KDM2A: variants seen among roughly 807,000 people sequenced by gnomAD.
The protein encoded by KDM2A is lysine demethylase 2A.
In KDM2A, 3 loss-of-function variants were observed where a neutral mutation model predicts 137.3. The ratio of observed to expected loss-of-function variants is 0.02; its 90% CI spans 0.01 to 0.06. KDM2A has a LOEUF of 0.06. Ranked by LOEUF, KDM2A falls within the 10% of genes least tolerant of loss-of-function variation. The pLI, the probability that KDM2A is intolerant of heterozygous loss-of-function variation, is 1.00. For missense variants in KDM2A, 738 were observed against 1,510.6 expected (o/e 0.49, Z 8.48); for synonymous variants, 512 against 541.5 (o/e 0.95, Z 0.76).
intron 5 of KDM2A, among the ~76,000 whole-genome samples, chr11:67,194,586 C>T (rs564171594): frequency 1.3e-5 from 2 of 152,284 alleles, no homozygotes; most frequent in East Asian, 3.9e-4. Flanking sequence ...TGGCATAACA[C>T]TTTGTGCATT....
intron 18 of KDM2A, 33 bp from the exon 19 acceptor site, chr11:67,253,420 G>A (rs1390821752): frequency 1.3e-6 from 2 of 1,596,950 alleles, no homozygotes; most frequent in Admixed American, 1.7e-5. Flanking sequence ...GGGAAACAGT[G>A]TATTATTACA....
chr11:67,170,684 A>G (rs977871246), intron 2 of KDM2A, among the ~76,000 whole-genome samples: 1 of 152,006 alleles, frequency 6.6e-6, no homozygotes, highest in Non-Finnish European at 1.5e-5. Flanking sequence ...AAGTGCTGGG[A>G]TTACAGGTGT....
intron 15 of KDM2A, among the ~76,000 whole-genome samples, chr11:67,247,037 T>TATA (rs1859242398): frequency 3.0e-5 from 1 of 33,074 alleles, no homozygotes; most frequent in African/African-American, 1.1e-4. Flanking sequence ...ATAAATTATT[T>TATA]TATATATATA....
intron 5 of KDM2A, among the ~76,000 whole-genome samples, chr11:67,191,083 C>T (rs1025774171): frequency 7.2e-5 from 11 of 151,988 alleles, no homozygotes; most frequent in Admixed American, 2.0e-4. Flanking sequence ...TCGTTGCTGT[C>T]GCCAGGCTGG....
At chr11:67,177,334 T>C (rs566460100) in intron 2 of KDM2A, among the ~76,000 whole-genome samples, 1 of 152,224 alleles carries the variant, frequency 6.6e-6, no homozygotes, top group Non-Finnish European at 1.5e-5. Context: ...TATATACTTT[T>C]GAACATTTTC....
chr11:67,208,888 G>A (rs1195271009), intron 6 of KDM2A, among the ~76,000 whole-genome samples: 1 of 151,956 alleles, frequency 6.6e-6, no homozygotes, highest in African/African-American at 2.4e-5. Flanking sequence ...AGATCAGCCT[G>A]GGGAATGTCA....
chr11:67,176,326 T>TA (rs1856972681), intron 2 of KDM2A, among the ~76,000 whole-genome samples: 1 of 152,208 alleles, frequency 6.6e-6, no homozygotes, highest in African/African-American at 2.4e-5. Context: ...CTCATTTTCT[T>TA]ACGTGTTTAT....
intron 5 of KDM2A, among the ~76,000 whole-genome samples, chr11:67,206,627 T>C (rs1164974208): frequency 6.6e-6 from 1 of 152,056 alleles, no homozygotes; most frequent in Non-Finnish European, 1.5e-5. Context: ...TCCCAGCTAC[T>C]GTGGAGGTTG....
At chr11:67,175,417 CAG>C (rs754407933) in intron 2 of KDM2A, among the ~76,000 whole-genome samples, 25 of 152,176 alleles carry the variant, frequency 1.6e-4, no homozygotes, top group Non-Finnish European at 2.8e-4. Flanking sequence ...GCCTAGATGA[CAG>C]AGACTCTGTC....
rs1417493576 is a variant in KDM2A, at chr11:67,207,502, T to C, written c.308-8T>C. On this transcript the variant is annotated splice_polypyrimidine_tract_variant and splice_region_variant and intron_variant, in intron 5 of 20. Coordinates refer to ENST00000529006, the MANE Select transcript of KDM2A (RefSeq NM_012308.3). ...CGATAGAGATGATCGATGCATCTTT[T>C]ATGGCAGGGAGTCGTCGCATGGTGG... 6.3e-7 allele frequency: 1 copy of C among 1,580,898 alleles called. No homozygotes were observed. Among genetic ancestry groups the C allele is most frequent in the African/African-American group, 1.3e-5 (1 of 74,470 alleles).
chr11:67,243,177 T>C, intron 13 of KDM2A, 85 bp downstream of exon 13: 1 of 942,974 alleles, frequency 1.1e-6, no homozygotes, highest in East Asian at 2.5e-5. Flanking sequence ...CAAGAACAAC[T>C]AGAGGCAGAT....
chr11:67,183,493 T>C lies in KDM2A; in HGVS notation c.307+1601T>C, dbSNP rs778824840. ...AGCACCAGGAACTTTTCTCCTTACCTAGACAATAATTGCACGGGCAGAATC... is the reference window on the plus strand; with the variant it reads ...AGCACCAGGAACTTTTCTCCTTACCCAGACAATAATTGCACGGGCAGAATC... On this transcript the variant is annotated intron_variant, in intron 5 of 20. Coordinates refer to ENST00000529006, the MANE Select transcript of KDM2A (RefSeq NM_012308.3). Among the ~76,000 whole-genome samples, 76 of 152,368 alleles carry C rather than the reference T, an allele frequency of 5.0e-4. 1 individual carries two copies. The highest frequency in any genetic ancestry group is 1.1e-3 in the African/African-American group (46 of 41,596).
At chr11:67,188,081 G>T (rs2136345467) in intron 5 of KDM2A, among the ~76,000 whole-genome samples, 1 of 152,262 alleles carries the variant, frequency 6.6e-6, no homozygotes, top group East Asian at 1.9e-4. Flanking sequence ...GGTGTTGCAT[G>T]CCTGTGCTCC....
intron 6 of KDM2A, among the ~76,000 whole-genome samples, chr11:67,211,578 C>T (rs1590789712): frequency 8.5e-6 from 1 of 117,458 alleles, no homozygotes; most frequent in East Asian, 2.9e-4. Context: ...CACACCACTG[C>T]ACTCCAGCCT....
chr11:67,167,749 A>G (rs1371248165), intron 2 of KDM2A, among the ~76,000 whole-genome samples: 1 of 152,120 alleles, frequency 6.6e-6, no homozygotes, highest in African/African-American at 2.4e-5. Context: ...CATGTATGGA[A>G]ACTGTTCTAT....
intron 12 of KDM2A, chr11:67,240,486 T>A: frequency 1.3e-6 from 1 of 786,262 alleles, no homozygotes; most frequent in Non-Finnish European, 2.0e-6. Flanking sequence ...GACAATGCTA[T>A]GTTACTTCGT....
At chr11:67,181,733 C>G in intron 4 of KDM2A, 113 bp from the exon 5 acceptor site, 1 of 794,388 alleles carries the variant, frequency 1.3e-6, no homozygotes. Context: ...AATTTCAAAC[C>G]TGATTGTGAA....
chr11:67,153,223 G>A (rs538388818), intron 2 of KDM2A, among the ~76,000 whole-genome samples: 1 of 152,198 alleles, frequency 6.6e-6, no homozygotes, highest in Admixed American at 6.5e-5. Context: ...GACATTGGGT[G>A]ATCGACCCGC....
At chr11:67,241,887 G>T (rs898429806) in intron 12 of KDM2A, among the ~76,000 whole-genome samples, 1 of 152,080 alleles carries the variant, frequency 6.6e-6, no homozygotes, top group Non-Finnish European at 1.5e-5. Context: ...TGGCCAACAT[G>T]GTGAAACTCC....
Sources: gnomAD v4.1 joint callset for allele counts (sites outside exome capture counted in the v4.1 genomes callset) on GRCh38, gnomAD v4.1.1 for gene constraint, MANE v1.5 for transcripts, NCBI Gene and HGNC (gene_info 2026-07-23, HGNC 2026-07-21) for gene names.